DCAF6: variants seen among roughly 807,000 people sequenced by gnomAD.
The protein encoded by DCAF6 is DDB1 and CUL4 associated factor 6.
A neutral mutation model predicts 125.1 loss-of-function variants in DCAF6; 54 were observed. The ratio of observed to expected loss-of-function variants is 0.43; its 90% CI spans 0.35 to 0.54. The LOEUF (loss-of-function observed/expected upper bound fraction) is 0.54. DCAF6 is among the 20% of genes least tolerant of loss of function. The pLI is 0.01. For synonymous variants in DCAF6, 371 were observed against 390.4 expected (o/e 0.95, Z 0.58); for missense variants, 934 against 1,161.7 (o/e 0.80, Z 2.85).
At chr1:167,912,040 T>C in the DCAF6 span, among the ~76,000 whole-genome samples, 1 of 152,266 alleles carries the variant, frequency 6.6e-6, no homozygotes, top group Admixed American at 6.5e-5. Flanking sequence ...AGAAATTTTC[T>C]ATTTTTGAAG....
chr1:168,011,697 A>T (rs1319661657), intron 10 of DCAF6, among the ~76,000 whole-genome samples: 1 of 152,096 alleles, frequency 6.6e-6, no homozygotes, highest in Non-Finnish European at 1.5e-5. Context: ...AAGTGGAGAG[A>T]CCAGGTGTGG....
the DCAF6 span, chr1:167,896,838 GA>G: frequency 3.2e-6 from 2 of 634,044 alleles, no homozygotes; most frequent in South Asian, 3.7e-5. Context: ...TTGTAAAATT[GA>G]AATTTTAAAT....
the DCAF6 span, among the ~76,000 whole-genome samples, chr1:167,929,366 A>C: frequency 5.9e-5 from 9 of 152,188 alleles, no homozygotes; most frequent in African/African-American, 2.2e-4. Context: ...TCTCGAAAAA[A>C]GAAAAAAAAA....
intron 20 of DCAF6, among the ~76,000 whole-genome samples, chr1:168,067,314 T>A (rs1309007252): frequency 6.6e-6 from 1 of 152,058 alleles, no homozygotes; most frequent in African/African-American, 2.4e-5. Flanking sequence ...CCCTCAGAGT[T>A]TAGTGGGAAA....
At chr1:167,962,340 T>G (rs1018381972) in intron 2 of DCAF6, among the ~76,000 whole-genome samples, 1 of 152,130 alleles carries the variant, frequency 6.6e-6, no homozygotes, top group East Asian at 1.9e-4. Context: ...TATAGTTCTG[T>G]CAGTTTTTAT....
At chr1:167,992,813 C>T (rs2103016611) in intron 6 of DCAF6, among the ~76,000 whole-genome samples, 1 of 152,278 alleles carries the variant, frequency 6.6e-6, no homozygotes, top group African/African-American at 2.4e-5. Context: ...AAAGTTGTAT[C>T]ATCTTAAGGA....
intron 10 of DCAF6, among the ~76,000 whole-genome samples, chr1:168,010,310 G>A (rs1684112362): frequency 6.6e-6 from 1 of 152,108 alleles, no homozygotes; most frequent in Admixed American, 6.5e-5. Flanking sequence ...GTATATATGG[G>A]TGAATATGGG....
chr1:167,951,101 G>A (rs968951538), intron 1 of DCAF6, among the ~76,000 whole-genome samples: 3 of 152,126 alleles, frequency 2.0e-5, no homozygotes, highest in Middle Eastern at 6.8e-3. Flanking sequence ...CACTTACACC[G>A]ATTATTGTTT....
chr1:167,962,979 G>A (rs1675847581), intron 2 of DCAF6, among the ~76,000 whole-genome samples: 1 of 151,962 alleles, frequency 6.6e-6, no homozygotes, highest in Admixed American at 6.6e-5. Flanking sequence ...CAAAAATGTT[G>A]CCAGGCGTGG....
Position 167,974,964 on chromosome 1 carries a change from A to G in DCAF6, c.387A>G (p.Ala129=). Residue 129 remains alanine (A), a synonymous_variant, in exon 4 of 22, where the codon GCA becomes GCG. Coordinates refer to ENST00000367840, the MANE Select transcript of DCAF6 (RefSeq NM_001198956.2). ...TTTATACCAACGTTGAGCAAGATGC[A>G]GAAACCAACAGACAATGCCAATTTA... ...VIFYTNVEQD[A]ETNRQCQFTC... 6.2e-7 allele frequency: 1 copy of G among 1,608,628 alleles called. No individual in the cohort carries two copies. The highest frequency in any genetic ancestry group is 1.3e-5 in the African/African-American group (1 of 74,902).
chr1:168,066,496 A>T, intron 20 of DCAF6, 31 bp downstream of exon 20: 1 of 1,400,078 alleles, frequency 7.1e-7, no homozygotes, highest in Non-Finnish European at 9.9e-7. Flanking sequence ...ACTATAGACC[A>T]TATTTCAATT....
intron 17 of DCAF6, among the ~76,000 whole-genome samples, chr1:168,051,773 T>G (rs1037613352): frequency 1.1e-4 from 16 of 152,236 alleles, no homozygotes; most frequent in Non-Finnish European, 1.8e-4. Flanking sequence ...CTCAAATTTG[T>G]TTTTGCTTCT....
chr1:167,948,618 A>G (rs1673450644), intron 1 of DCAF6, among the ~76,000 whole-genome samples: 1 of 152,166 alleles, frequency 6.6e-6, no homozygotes. Context: ...ATAGCTGTAT[A>G]TTTATTGTCA....
At chr1:167,905,123 T>A in the DCAF6 span, 3 of 1,614,240 alleles carry the variant, frequency 1.9e-6, no homozygotes, top group Non-Finnish European at 2.5e-6. Flanking sequence ...CCTGGAATTC[T>A]TCTTTTGGAG....
intron 2 of DCAF6, 82 bp downstream of exon 2, chr1:167,951,943 G>A (rs969854846): frequency 4.5e-5 from 38 of 838,118 alleles, no homozygotes; most frequent in Non-Finnish European, 6.9e-5. Flanking sequence ...AATCCTCCCA[G>A]AAAGGATTGT....
chr1:167,925,722 T>G, the DCAF6 span, among the ~76,000 whole-genome samples: 1 of 151,716 alleles, frequency 6.6e-6, no homozygotes, highest in Non-Finnish European at 1.5e-5. Context: ...AATTTTTTTG[T>G]ATCTTTAATA....
chr1:167,958,912 A>G (rs535100657), intron 2 of DCAF6, among the ~76,000 whole-genome samples: 4 of 152,304 alleles, frequency 2.6e-5, no homozygotes, highest in East Asian at 1.9e-4. Context: ...ATAGTTTACA[A>G]TAGGGCTCAC....
chr1:168,023,681 G>T (rs79908764), intron 12 of DCAF6: 1 of 152,862 alleles, frequency 6.5e-6, no homozygotes. Flanking sequence ...TATTACTAGC[G>T]ATCAAATATA....
At chr1:167,892,898 C>T in the DCAF6 span, among the ~76,000 whole-genome samples, 1 of 152,144 alleles carries the variant, frequency 6.6e-6, no homozygotes, top group East Asian at 1.9e-4. Flanking sequence ...ATATCTTTTA[C>T]TTGACAACCT....
Sources: gnomAD v4.1 joint callset for allele counts (sites outside exome capture counted in the v4.1 genomes callset) on GRCh38, gnomAD v4.1.1 for gene constraint, MANE v1.5 for transcripts, NCBI Gene and HGNC (gene_info 2026-07-23, HGNC 2026-07-21) for gene names.